SEMA6D: variants seen among roughly 807,000 people sequenced by gnomAD.
SEMA6D encodes the protein semaphorin 6D, also known as semaphorin-6D.
A neutral mutation model predicts 106.6 loss-of-function variants in SEMA6D; 35 were observed. That is an observed-to-expected ratio of 0.33 (90% confidence interval 0.25 to 0.44). SEMA6D has a LOEUF of 0.44. Among genes scored for constraint, SEMA6D ranks in the 20% least tolerant of loss-of-function variants. The pLI is 1.00. For missense variants in SEMA6D, 1,185 were observed against 1,345.9 expected, an observed-to-expected ratio of 0.88 and a Z score of 1.87; for synonymous variants, 499 against 487.7, an observed-to-expected ratio of 1.02 and a Z score of -0.31.
intron 1 of SEMA6D, among the ~76,000 whole-genome samples, chr15:47,355,779 A>G (rs1441752815): frequency 1.3e-5 from 2 of 152,232 alleles, no homozygotes; most frequent in East Asian, 3.8e-4. Flanking sequence ...GATTTATATT[A>G]TAACTCAGAG....
intron 1 of SEMA6D, among the ~76,000 whole-genome samples, chr15:47,338,301 T>G (rs1476838610): frequency 6.6e-6 from 1 of 152,198 alleles, no homozygotes; most frequent in Non-Finnish European, 1.5e-5. Flanking sequence ...TTTGGTATAC[T>G]TGTCTCTTAA....
chr15:47,626,283 G>A (rs1410156268), intron 4 of SEMA6D, among the ~76,000 whole-genome samples: 1 of 152,300 alleles, frequency 6.6e-6, no homozygotes, highest in East Asian at 1.9e-4. Flanking sequence ...CAGACACAGA[G>A]TTCCCTGGAT....
chr15:47,713,353 C>T (rs2146114321), upstream of SEMA6D, among the ~76,000 whole-genome samples: 1 of 152,240 alleles, frequency 6.6e-6, no homozygotes, highest in East Asian at 1.9e-4. Context: ...TGAATTATGT[C>T]AGTAAAATCT....
chr15:47,314,294 A>G (rs965150896), intron 1 of SEMA6D, among the ~76,000 whole-genome samples: 4 of 152,002 alleles, frequency 2.6e-5, no homozygotes, highest in African/African-American at 9.7e-5. Context: ...ATGTTTTCCT[A>G]TTAGTGTTAA....
chr15:47,354,127 G>T (rs1353985777), intron 1 of SEMA6D, among the ~76,000 whole-genome samples: 1 of 150,116 alleles, frequency 6.7e-6, no homozygotes, highest in Non-Finnish European at 1.5e-5. Context: ...ATGAGAGAGT[G>T]TGTATATATA....
At chr15:47,588,242 A>G (rs2076378257) in intron 3 of SEMA6D, among the ~76,000 whole-genome samples, 2 of 152,244 alleles carry the variant, frequency 1.3e-5, no homozygotes, top group East Asian at 1.9e-4. Flanking sequence ...CTGCCCCACT[A>G]TCCTTCCTCT....
At chr15:47,699,377 G>A (rs1210604318) in intron 4 of SEMA6D, among the ~76,000 whole-genome samples, 1 of 152,136 alleles carries the variant, frequency 6.6e-6, no homozygotes, top group African/African-American at 2.4e-5. Flanking sequence ...TTTTATACAT[G>A]AGGAAATTAA....
chr15:47,195,088 A>G (rs1041541161), intron 1 of SEMA6D, among the ~76,000 whole-genome samples: 3 of 152,326 alleles, frequency 2.0e-5, no homozygotes, highest in Middle Eastern at 6.8e-3. Flanking sequence ...AAATATTCTT[A>G]TCATTAATTA....
At chr15:47,203,962 A>G (rs1377094856) in intron 1 of SEMA6D, among the ~76,000 whole-genome samples, 1 of 152,214 alleles carries the variant, frequency 6.6e-6, no homozygotes, top group Admixed American at 6.5e-5. Flanking sequence ...ATACAAAATA[A>G]TTTGACAATA....
chr15:47,548,413 T>C (rs1596295469), intron 3 of SEMA6D, among the ~76,000 whole-genome samples: 1 of 152,110 alleles, frequency 6.6e-6, no homozygotes, highest in Non-Finnish European at 1.5e-5. Context: ...CTTGGCCCTC[T>C]CCCTTCTGGA....
chr15:47,527,353 CAA>C (rs1045753405), intron 3 of SEMA6D, among the ~76,000 whole-genome samples: 3 of 151,952 alleles, frequency 2.0e-5, no homozygotes, highest in Non-Finnish European at 4.4e-5. Context: ...CATATTTTTA[CAA>C]AAGAGTGTTT....
At chr15:47,359,579 A>G (rs934072647) in intron 1 of SEMA6D, 6 of 152,212 alleles carry the variant, frequency 3.9e-5, no homozygotes, top group African/African-American at 1.4e-4. Flanking sequence ...AGACATAGTT[A>G]TGATAGATTT....
chr15:47,715,119 A>G (rs1206235801), upstream of SEMA6D, among the ~76,000 whole-genome samples: 1 of 152,198 alleles, frequency 6.6e-6, no homozygotes, highest in African/African-American at 2.4e-5. Flanking sequence ...AAGTCAGGAA[A>G]AGCAGAAATT....
intron 3 of SEMA6D, among the ~76,000 whole-genome samples, chr15:47,590,234 CATGG>C (rs1243340245): frequency 6.6e-6 from 1 of 152,048 alleles, no homozygotes; most frequent in Non-Finnish European, 1.5e-5. Context: ...TTTGCAGGGA[CATGG>C]ATGAAGCTGG....
intron 3 of SEMA6D, among the ~76,000 whole-genome samples, chr15:47,526,767 C>T (rs762820755): frequency 2.0e-5 from 3 of 151,936 alleles, no homozygotes; most frequent in Non-Finnish European, 4.4e-5. Context: ...GACGGAGTCT[C>T]GCACTGTCAC....
At position 47,331,357 on chromosome 15, in the gene SEMA6D, G is replaced by T. The variant is rs148476503; in HGVS notation, c.-238-81036G>T. Among the ~76,000 whole-genome samples, 1,400 of 152,218 alleles carry T rather than the reference G, an allele frequency of 9.2e-3. 45 individuals are homozygous for T. Among genetic ancestry groups the T allele is most frequent in the Admixed American group, 0.069 (1,046 of 15,262 alleles). On this transcript the variant is annotated intron_variant, in intron 1 of 19. Coordinates refer to the SEMA6D transcript ENST00000558014. ...AAAGATATATATGGAAGTAGATTCAGCATTATTTAGAATAGTGAAAAATCA... is the reference window on the plus strand; with the variant it reads ...AAAGATATATATGGAAGTAGATTCATCATTATTTAGAATAGTGAAAAATCA...
chr15:47,644,503 G>C (rs534497321), intron 4 of SEMA6D, among the ~76,000 whole-genome samples: 1 of 152,252 alleles, frequency 6.6e-6, no homozygotes, highest in African/African-American at 2.4e-5. Context: ...CAATGTGATA[G>C]TATTAAGATG....
chr15:47,294,031 T>G (rs568499451), intron 1 of SEMA6D, among the ~76,000 whole-genome samples: 1 of 152,158 alleles, frequency 6.6e-6, no homozygotes, highest in African/African-American at 2.4e-5. Context: ...TGAAGCAACT[T>G]TTTTTTGTTG....
intron 2 of SEMA6D, among the ~76,000 whole-genome samples, chr15:47,441,154 A>C (rs2041869700): frequency 6.6e-6 from 1 of 151,988 alleles, no homozygotes; most frequent in Non-Finnish European, 1.5e-5. Flanking sequence ...GGTCTTTCTT[A>C]TGTTTATTTG....
Sources: gnomAD v4.1 joint callset for allele counts (sites outside exome capture counted in the v4.1 genomes callset) on GRCh38, gnomAD v4.1.1 for gene constraint, MANE v1.5 for transcripts, NCBI Gene and HGNC (gene_info 2026-07-23, HGNC 2026-07-21) for gene names.